Variants in RANGAP1 observed in about 807,000 individuals in gnomAD.
The protein encoded by RANGAP1 is Ran GTPase activating protein 1.
Under a neutral mutation model 63.5 loss-of-function variants are expected in RANGAP1, and 38 were observed. The observed-to-expected ratio is 0.60, with a 90% CI of 0.46 to 0.78. The LOEUF is 0.78. Among genes scored for constraint, RANGAP1 ranks in the 30% least tolerant of loss-of-function variants. The probability of loss-of-function intolerance (pLI) is 0.00; values close to 1 mark genes in which losing one functional copy is unlikely to be tolerated. For missense variants in RANGAP1, 630 were observed against 740.3 expected (o/e 0.85, Z 1.73); for synonymous variants, 329 against 310.5 (o/e 1.06, Z -0.63).
intron 2 of RANGAP1, among the ~76,000 whole-genome samples, chr22:41,279,523 T>TAGTCCCA: frequency 6.6e-6 from 1 of 151,378 alleles, no homozygotes; most frequent in Non-Finnish European, 1.5e-5. Flanking sequence ...TACACACCTG[T>TAGTCCCA]AGTCCCAGCT....
intron 9 of RANGAP1, 33 bp from the exon 10 acceptor site, chr22:41,256,138 G>A (rs1173579733): frequency 6.2e-7 from 1 of 1,613,810 alleles, no homozygotes; most frequent in Non-Finnish European, 8.5e-7. Context: ...AGTCAGCCGG[G>A]GTGCCAGGGC....
Position 41,256,074 on chromosome 22 carries a change from C to A in RANGAP1, c.1020G>T (p.Gln340His), listed in dbSNP as rs755116598. The A allele has an allele frequency of 1.9e-6, 3 of 1,614,120 alleles. No individual in the cohort carries two copies. Among genetic ancestry groups the A allele is most frequent in the Non-Finnish European group, 2.5e-6 (3 of 1,180,034 alleles). ...GNTLGEEGCE[Q>H]LQEVLEGFNM... is the part of the protein sequence containing the mutation. ...TGAAGCCCTCCAGCACCTCCTGAAG[C>A]TGTTCACAGCCTTCTTCTCCCAGGG... The change falls in exon 10 of 16, where the codon CAG (glutamine) becomes CAT (histidine). Residue 340 changes from glutamine to histidine, a missense_variant. Physicochemically the swap from Gln to His is conservative, Grantham distance 24. This residue lies in a region of RANGAP1 where 428 missense variants were observed against 465.5 expected (regional missense o/e 0.92). Coordinates refer to ENST00000356244, the MANE Select transcript of RANGAP1 (RefSeq NM_002883.4).
At chr22:41,268,426 T>G (rs566977078) in intron 3 of RANGAP1, among the ~76,000 whole-genome samples, 35 of 152,272 alleles carry the variant, frequency 2.3e-4, no homozygotes, top group African/African-American at 7.9e-4. Context: ...TGGCAAATTT[T>G]GTATTTTTAG....
intron 2 of RANGAP1, 142 bp from the exon 3 acceptor site, chr22:41,274,869 C>T: frequency 9.3e-7 from 1 of 1,076,522 alleles, no homozygotes; most frequent in South Asian, 1.5e-5. Flanking sequence ...GAGAATCAGA[C>T]AGGCTCATGG....
chr22:41,301,202 C>T, the RANGAP1 span, among the ~76,000 whole-genome samples: 1 of 152,118 alleles, frequency 6.6e-6, no homozygotes, highest in Non-Finnish European at 1.5e-5. Flanking sequence ...TTTGGGCAGC[C>T]TTCCATGAAA....
chr22:41,256,649 C>A (rs919229851), intron 8 of RANGAP1, 62 bp downstream of exon 8: 3 of 1,450,432 alleles, frequency 2.1e-6, no homozygotes, highest in Non-Finnish European at 2.9e-6. Flanking sequence ...GACCCCTGTG[C>A]CCCCAGCCGC....
At chr22:41,286,521 C>G (rs2035755576), upstream of RANGAP1, among the ~76,000 whole-genome samples, 1 of 152,238 alleles carries the variant, frequency 6.6e-6, no homozygotes, top group Non-Finnish European at 1.5e-5. Context: ...TCAGCTCTTC[C>G]GGAAAGGTTT....
chr22:41,265,478 G>A (rs2034413214), intron 4 of RANGAP1, among the ~76,000 whole-genome samples: 1 of 152,204 alleles, frequency 6.6e-6, no homozygotes, highest in African/African-American at 2.4e-5. Flanking sequence ...GTGTGGGAGA[G>A]GAGCTGCCTG....
chr22:41,288,799 G>T (rs1325024511), upstream of RANGAP1, among the ~76,000 whole-genome samples: 1 of 151,910 alleles, frequency 6.6e-6, no homozygotes, highest in Non-Finnish European at 1.5e-5. Flanking sequence ...GCTTGGTGGG[G>T]CTTGGGGGGA....
chr22:41,251,127 A>G lies in RANGAP1; in HGVS notation c.1381-18T>C. 6.2e-7 allele frequency: 1 copy of G among 1,606,946 alleles called. No homozygotes were observed. Reference sequence around the variant, plus strand: ...GTGTCAGTCTGAGGACAAAAGAGACAATGGTTGGCCTGTGGCACGTGGTGG... The same window carrying G: ...GTGTCAGTCTGAGGACAAAAGAGACGATGGTTGGCCTGTGGCACGTGGTGG... On this transcript the variant is annotated intron_variant, in intron 12 of 15. Coordinates refer to ENST00000356244, the MANE Select transcript of RANGAP1 (RefSeq NM_002883.4).
At chr22:41,274,803 A>T in intron 2 of RANGAP1, 76 bp from the exon 3 acceptor site, 1 of 1,575,420 alleles carries the variant, frequency 6.3e-7, no homozygotes, top group Non-Finnish European at 8.6e-7. Context: ...GTTGGCAACC[A>T]CCTTGCCACT....
intron 11 of RANGAP1, among the ~76,000 whole-genome samples, chr22:41,253,757 T>C (rs2033631200): frequency 6.6e-6 from 1 of 152,210 alleles, no homozygotes; most frequent in African/African-American, 2.4e-5. Context: ...ATAATATACA[T>C]AATGCAGCAG....
At chr22:41,298,534 C>T in the RANGAP1 span, among the ~76,000 whole-genome samples, 1 of 151,930 alleles carries the variant, frequency 6.6e-6, no homozygotes, top group South Asian at 2.1e-4. Flanking sequence ...AGGCTGGTCT[C>T]AAGCTCCTGA....
At position 41,256,694 on chromosome 22, in the gene RANGAP1, G is replaced by A. The variant is rs866379179; in HGVS notation, c.888+17C>T. 2.5e-6 allele frequency: 4 copies of A among 1,609,336 alleles called. No homozygotes were observed. The Middle Eastern group carries it at 5.0e-4, about 199-fold the overall frequency. On this transcript the variant is annotated intron_variant, in intron 8 of 15. Coordinates refer to ENST00000356244, the MANE Select transcript of RANGAP1 (RefSeq NM_002883.4). ...CACAGACCCCAGAGGGAGGACGTCA[G>A]GCGTCCAGGCTGGCACCTTTAGCTT...
rs933817090 is a variant in RANGAP1, at chr22:41,280,823, G to A, written c.112+110C>T. On this transcript the variant is annotated intron_variant, in intron 2 of 15. Coordinates refer to ENST00000356244, the MANE Select transcript of RANGAP1 (RefSeq NM_002883.4). ...CCCAATGATACCTCACAGAGCTGCT[G>A]GGACAAATAATGGAGACAATGTAGC... The A allele has an allele frequency of 7.1e-6, 11 of 1,550,760 alleles. No individual in the cohort carries two copies. In the Admixed American group the frequency reaches 1.3e-4, roughly 19 times the overall value.
rs113348801 is a variant in RANGAP1, at chr22:41,267,036, A to C, written c.300+1061T>G. Among the ~76,000 whole-genome samples, 219 of 150,984 alleles carry C rather than the reference A, an allele frequency of 1.5e-3. 3 individuals are homozygous for C. Among genetic ancestry groups the C allele is most frequent in the African/African-American group, 5.0e-3 (207 of 41,098 alleles). On this transcript the variant is annotated intron_variant, in intron 4 of 15. Coordinates refer to ENST00000356244, the MANE Select transcript of RANGAP1 (RefSeq NM_002883.4). Reference sequence around the variant, plus strand: ...GCTGGGACTACAGGCAGGTGCCACCATGCCAGCTAATTTTTGTATTTTTAG... The same window carrying C: ...GCTGGGACTACAGGCAGGTGCCACCCTGCCAGCTAATTTTTGTATTTTTAG...
At chr22:41,258,700 G>C (rs2033990523) in intron 6 of RANGAP1, among the ~76,000 whole-genome samples, 1 of 152,102 alleles carries the variant, frequency 6.6e-6, no homozygotes, top group Non-Finnish European at 1.5e-5. Context: ...CGTCGCCCAG[G>C]CTGGAGTGTG....
intron 15 of RANGAP1, among the ~76,000 whole-genome samples, chr22:41,247,183 G>A (rs1282523826): frequency 1.3e-5 from 2 of 152,078 alleles, no homozygotes; most frequent in Non-Finnish European, 2.9e-5. Context: ...AGCCTCCCGA[G>A]TAGCTGGGAC....
upstream of RANGAP1, among the ~76,000 whole-genome samples, chr22:41,287,911 G>A (rs1391032854): frequency 2.6e-5 from 4 of 152,182 alleles, no homozygotes; most frequent in Admixed American, 6.5e-5. Context: ...GCTTGAACCC[G>A]GGAGGCGGAG....
Sources: allele counts gnomAD v4.1 joint callset (sites outside exome capture counted in the v4.1 genomes callset), GRCh38; gene constraint gnomAD v4.1.1; regional missense constraint gnomAD v4.1.1; transcripts MANE v1.5; gene names NCBI Gene and HGNC (gene_info 2026-07-23, HGNC 2026-07-21).